The following LAMA2 variants were observed in gnomAD, a reference collection of about 807,000 sequenced individuals.
The protein encoded by LAMA2 is laminin subunit alpha 2.
In LAMA2, 269 loss-of-function variants were observed where a neutral mutation model predicts 364.8. That is an observed-to-expected ratio of 0.74 (90% CI 0.67 to 0.82). The LOEUF is 0.82. LAMA2 is among the 40% of genes least tolerant of loss of function. The pLI is 0.00. For missense variants in LAMA2, 3,807 were observed against 3,873.2 expected (o/e 0.98, Z 0.45); for synonymous variants, 1,379 against 1,370.6 (o/e 1.01, Z -0.14).
intron 19 of LAMA2, 93 bp from the exon 20 acceptor site, chr6:129,291,521 T>A: frequency 1.2e-6 from 1 of 866,970 alleles, no homozygotes; most frequent in Non-Finnish European, 1.9e-6. Context: ...AACTTAGGCG[T>A]CCATGTTACC....
At chr6:129,034,894 C>T (rs1043048760) in intron 1 of LAMA2, among the ~76,000 whole-genome samples, 9 of 152,052 alleles carry the variant, frequency 5.9e-5, no homozygotes, top group Non-Finnish European at 1.3e-4. Flanking sequence ...TTGTTGAGCA[C>T]ATAGATTGAG....
intron 1 of LAMA2, among the ~76,000 whole-genome samples, chr6:128,989,428 G>C (rs190301309): frequency 6.6e-6 from 1 of 152,250 alleles, no homozygotes; most frequent in East Asian, 1.9e-4. Context: ...CCTAGGCTTT[G>C]CAAGCCTAGA....
chr6:128,984,103 C>T (rs76034471), intron 1 of LAMA2, among the ~76,000 whole-genome samples: 181 of 152,252 alleles, frequency 1.2e-3, no homozygotes, highest in African/African-American at 3.8e-3. Flanking sequence ...TACTACCTAC[C>T]TTTCGCAGTG....
chr6:128,911,645 G>C (rs1259088357), intron 1 of LAMA2, among the ~76,000 whole-genome samples: 1 of 152,080 alleles, frequency 6.6e-6, no homozygotes, highest in Non-Finnish European at 1.5e-5. Context: ...TTCCTATTCG[G>C]CCATCTTGGC....
intron 4 of LAMA2, among the ~76,000 whole-genome samples, chr6:129,108,577 C>T (rs1179470165): frequency 6.6e-6 from 1 of 152,140 alleles, no homozygotes; most frequent in African/African-American, 2.4e-5. Flanking sequence ...CCCATTCAAC[C>T]CATCTGTAGC....
chr6:129,113,801 T>C (rs1241267810), intron 4 of LAMA2, among the ~76,000 whole-genome samples: 3 of 151,960 alleles, frequency 2.0e-5, no homozygotes, highest in Non-Finnish European at 4.4e-5. Flanking sequence ...GGCTCACTAG[T>C]GTCTTTGAGG....
chr6:129,162,589 C>T (rs1452252154), intron 8 of LAMA2, among the ~76,000 whole-genome samples: 1 of 151,846 alleles, frequency 6.6e-6, no homozygotes, highest in African/African-American at 2.4e-5. Flanking sequence ...GTGTTTTCTT[C>T]TTTGTTTAGC....
intron 12 of LAMA2, among the ~76,000 whole-genome samples, chr6:129,228,394 G>T (rs990825641): frequency 1.3e-5 from 2 of 152,130 alleles, no homozygotes; most frequent in African/African-American, 4.8e-5. Flanking sequence ...AATTGGAAAT[G>T]TGGAAGTCAC....
At chr6:129,467,446 A>G (rs1479400429) in intron 51 of LAMA2, among the ~76,000 whole-genome samples, 1 of 151,846 alleles carries the variant, frequency 6.6e-6, no homozygotes, top group Non-Finnish European at 1.5e-5. Context: ...TAGAAGCCCA[A>G]ACTTCACTCT....
intron 59 of LAMA2, 94 bp from the exon 60 acceptor site, chr6:129,502,996 CT>C: frequency 8.1e-7 from 1 of 1,233,758 alleles, no homozygotes; most frequent in East Asian, 2.3e-5. Context: ...TTTTACTCTC[CT>C]TTATGAAAAT....
chr6:129,386,568 A>G (rs756990103), intron 35 of LAMA2, among the ~76,000 whole-genome samples: 8 of 152,148 alleles, frequency 5.3e-5, no homozygotes, highest in Non-Finnish European at 8.8e-5. Flanking sequence ...ATTAAACTAG[A>G]CAGTTCACCA....
chr6:129,387,498 G>T (rs184965251), intron 35 of LAMA2, among the ~76,000 whole-genome samples: 6 of 152,272 alleles, frequency 3.9e-5, no homozygotes, highest in Non-Finnish European at 8.8e-5. Context: ...ACAGTGTGGC[G>T]ATTCCTCAAG....
chr6:129,281,957 G>T (rs1314704144), intron 18 of LAMA2, among the ~76,000 whole-genome samples: 1 of 152,066 alleles, frequency 6.6e-6, no homozygotes, highest in Non-Finnish European at 1.5e-5. Context: ...TTTTTTGTTT[G>T]AGATGTGCCT....
At position 129,361,183 on chromosome 6, in the gene LAMA2, C is replaced by T. The variant is rs9492308; in HGVS notation, c.4718-5036C>T. ...CTTGCTTGCATCCTAGGAACATCTG[C>T]CCAAAATACATCTTCACTAGAGGTC... On this transcript the variant is annotated intron_variant, in intron 32 of 64. Coordinates refer to ENST00000421865, the MANE Select transcript of LAMA2 (RefSeq NM_000426.4). 8.8e-3 allele frequency among the ~76,000 whole-genome samples: 1,344 copies of T among 152,200 alleles called. 21 individuals carry two copies. The highest frequency in any genetic ancestry group is 0.031 in the African/African-American group (1,292 of 41,526).
intron 55 of LAMA2, among the ~76,000 whole-genome samples, chr6:129,486,098 A>C (rs747191318): frequency 1.3e-5 from 2 of 152,258 alleles, no homozygotes; most frequent in Non-Finnish European, 2.9e-5. Flanking sequence ...GTTGGGAGTC[A>C]GGCCTGATTC....
chr6:128,932,663 G>A (rs971664836), intron 1 of LAMA2, among the ~76,000 whole-genome samples: 3 of 152,070 alleles, frequency 2.0e-5, no homozygotes, highest in Admixed American at 2.0e-4. Context: ...TCTAGTCCTG[G>A]AGTTAAGATT....
At chr6:129,155,744 C>A (rs142458851) in intron 8 of LAMA2, among the ~76,000 whole-genome samples, 1 of 152,006 alleles carries the variant, frequency 6.6e-6, no homozygotes, top group Non-Finnish European at 1.5e-5. Context: ...TTTCCCTCTG[C>A]GTGCTAATAC....
At chr6:129,279,057 C>T (rs368392686) in intron 17 of LAMA2, among the ~76,000 whole-genome samples, 3 of 152,118 alleles carry the variant, frequency 2.0e-5, no homozygotes, top group African/African-American at 7.2e-5. Context: ...AGCCATCAAG[C>T]AAGTCTCTAT....
intron 41 of LAMA2, among the ~76,000 whole-genome samples, chr6:129,433,602 G>T (rs1781702350): frequency 6.6e-6 from 1 of 152,026 alleles, no homozygotes; most frequent in Non-Finnish European, 1.5e-5. Flanking sequence ...TTCCATTTGA[G>T]AAACTCAACT....
Sources: gnomAD v4.1 joint callset for allele counts (sites outside exome capture counted in the v4.1 genomes callset) on GRCh38, gnomAD v4.1.1 for gene constraint, MANE v1.5 for transcripts, NCBI Gene and HGNC (gene_info 2026-07-23, HGNC 2026-07-21) for gene names.